SLC44A5: variants seen among roughly 807,000 people sequenced by gnomAD.
SLC44A5 encodes the protein choline transporter-like protein 5.
A neutral mutation model predicts 101.8 loss-of-function variants in SLC44A5; 57 were observed. That is an observed-to-expected ratio of 0.56 (90% CI 0.45 to 0.70). The LOEUF is 0.70. Among genes scored for constraint, SLC44A5 ranks in the 30% least tolerant of loss-of-function variants. SLC44A5 has a pLI of 0.00. For missense variants in SLC44A5, 737 were observed against 853.1 expected (o/e 0.86, Z 1.70); for synonymous variants, 281 against 290.9 (o/e 0.97, Z 0.35).
At chr1:75,230,449 C>A (rs1296910812) in intron 12 of SLC44A5, among the ~76,000 whole-genome samples, 2 of 151,726 alleles carry the variant, frequency 1.3e-5, no homozygotes, top group East Asian at 1.9e-4. Flanking sequence ...CGGGGTTTCA[C>A]CATGTTGGCC....
At chr1:75,514,521 A>G (rs2101879122) in intron 2 of SLC44A5, among the ~76,000 whole-genome samples, 1 of 152,042 alleles carries the variant, frequency 6.6e-6, no homozygotes, top group South Asian at 2.1e-4. Flanking sequence ...TTCTTTTTGG[A>G]CTCCTTCCCT....
the SLC44A5 span, among the ~76,000 whole-genome samples, chr1:75,723,515 G>GT: frequency 6.6e-6 from 1 of 152,144 alleles, no homozygotes; most frequent in Non-Finnish European, 1.5e-5. Flanking sequence ...CACGTGTACA[G>GT]TAAGAAGGGG....
At chr1:75,411,097 C>T (rs1210167682) in intron 2 of SLC44A5, among the ~76,000 whole-genome samples, 1 of 152,098 alleles carries the variant, frequency 6.6e-6, no homozygotes, top group Non-Finnish European at 1.5e-5. Flanking sequence ...TAATGATGTA[C>T]TTATTTTTCA....
At position 75,215,772 on chromosome 1, in the gene SLC44A5, G is replaced by C; in HGVS notation, c.1710C>G (p.Asn570Lys). ...WCLENAIKFL[N>K]RNAYIMIAIY... Reference sequence around the variant, plus strand: ...TACCTACCATAATATAGGCATTTCTGTTTAAAAACTTTATTGCATTTTCCA... The same window carrying C: ...TACCTACCATAATATAGGCATTTCTCTTTAAAAACTTTATTGCATTTTCCA... The change falls in exon 19 of 24, where the codon AAC becomes AAG. Residue 570 changes from asparagine to lysine, a missense_variant. Physicochemically the swap from Asn to Lys is moderately conservative, Grantham distance 94. This residue lies in a region of SLC44A5 where 665 missense variants were observed against 764.4 expected (regional missense o/e 0.87). Transcript: ENST00000370859. 6.2e-7 allele frequency: 1 copy of C among 1,600,480 alleles called. No individual in the cohort carries two copies. The highest frequency in any genetic ancestry group is 8.6e-7 in the Non-Finnish European group (1 of 1,168,294).
intron 1 of SLC44A5, among the ~76,000 whole-genome samples, chr1:75,550,342 G>A (rs191685917): frequency 1.2e-3 from 186 of 152,154 alleles, no homozygotes; most frequent in African/African-American, 4.4e-3. Flanking sequence ...TCCAGAATAG[G>A]TGAATTCATA....
chr1:75,548,654 G>A (rs1236456535), intron 1 of SLC44A5, among the ~76,000 whole-genome samples: 1 of 152,080 alleles, frequency 6.6e-6, no homozygotes, highest in African/African-American at 2.4e-5. Flanking sequence ...GTTTACTAAT[G>A]AGATCATCAA....
At chr1:75,232,580 G>A (rs960635652) in intron 12 of SLC44A5, among the ~76,000 whole-genome samples, 2 of 152,094 alleles carry the variant, frequency 1.3e-5, no homozygotes, top group African/African-American at 2.4e-5. Flanking sequence ...CGTACAGCAG[G>A]AGCAGATAGG....
the SLC44A5 span, among the ~76,000 whole-genome samples, chr1:75,658,531 G>C: frequency 1.3e-5 from 2 of 152,096 alleles, no homozygotes; most frequent in East Asian, 3.8e-4. Context: ...GACAACAAAT[G>C]GGTCAATGAA....
chr1:75,577,785 T>C (rs1673456448), intron 1 of SLC44A5, among the ~76,000 whole-genome samples: 1 of 152,220 alleles, frequency 6.6e-6, no homozygotes, highest in Non-Finnish European at 1.5e-5. Flanking sequence ...TCCTATTGTG[T>C]ACCTATTCTG....
At chr1:75,286,061 G>A (rs1487767358) in intron 5 of SLC44A5, among the ~76,000 whole-genome samples, 4 of 152,106 alleles carry the variant, frequency 2.6e-5, no homozygotes, top group Non-Finnish European at 5.9e-5. Flanking sequence ...CGTGCTGTCA[G>A]TGGAGGGTTG....
At chr1:75,671,917 T>G in the SLC44A5 span, among the ~76,000 whole-genome samples, 1 of 152,322 alleles carries the variant, frequency 6.6e-6, no homozygotes, top group East Asian at 1.9e-4. Context: ...ATACCTAATA[T>G]GCGTTAATGG....
intron 2 of SLC44A5, among the ~76,000 whole-genome samples, chr1:75,403,696 G>A (rs568525505): frequency 1.2e-4 from 19 of 152,120 alleles, no homozygotes; most frequent in South Asian, 8.3e-4. Context: ...TCTGAAGGTC[G>A]CCAACATCAA....
chr1:75,656,974 C>T, the SLC44A5 span, among the ~76,000 whole-genome samples: 1 of 152,008 alleles, frequency 6.6e-6, no homozygotes, highest in East Asian at 1.9e-4. Flanking sequence ...CATGGTGAAA[C>T]CCCATCTCTA....
intron 7 of SLC44A5, among the ~76,000 whole-genome samples, chr1:75,250,526 G>C (rs1190877404): frequency 6.6e-6 from 1 of 152,154 alleles, no homozygotes; most frequent in Non-Finnish European, 1.5e-5. Context: ...CCAATAATGG[G>C]ATTGCTGGGT....
At chr1:75,545,319 C>T (rs891566463) in intron 1 of SLC44A5, among the ~76,000 whole-genome samples, 9 of 152,060 alleles carry the variant, frequency 5.9e-5, no homozygotes, top group East Asian at 3.9e-4. Flanking sequence ...AATAAACATA[C>T]GTGTTCATGT....
chr1:75,472,877 T>C (rs775346525), intron 2 of SLC44A5, among the ~76,000 whole-genome samples: 1 of 152,168 alleles, frequency 6.6e-6, no homozygotes, highest in Non-Finnish European at 1.5e-5. Context: ...ATCCTTCTCA[T>C]AGACTAACAA....
the SLC44A5 span, among the ~76,000 whole-genome samples, chr1:75,630,055 C>T: frequency 2.0e-5 from 3 of 152,286 alleles, no homozygotes; most frequent in Admixed American, 6.5e-5. Context: ...CTCCATCCCC[C>T]CAATTTGCTA....
chr1:75,454,500 C>T (rs1480869562), intron 2 of SLC44A5, among the ~76,000 whole-genome samples: 2 of 151,974 alleles, frequency 1.3e-5, no homozygotes, highest in African/African-American at 2.4e-5. Context: ...GACAAAGATG[C>T]CCACTTTTAC....
At chr1:75,599,033 G>A (rs571950930) in intron 1 of SLC44A5, among the ~76,000 whole-genome samples, 4 of 151,986 alleles carry the variant, frequency 2.6e-5, no homozygotes, top group Non-Finnish European at 5.9e-5. Flanking sequence ...CTAAATTAAT[G>A]CAATTGAATA....
Sources: allele counts gnomAD v4.1 joint callset (sites outside exome capture counted in the v4.1 genomes callset), GRCh38; gene constraint gnomAD v4.1.1; regional missense constraint gnomAD v4.1.1; transcripts MANE v1.5; gene names NCBI Gene and HGNC (gene_info 2026-07-23, HGNC 2026-07-21).